The following NRG3 variants were observed in gnomAD, a reference collection of about 807,000 sequenced individuals.
The protein encoded by NRG3 is neuregulin 3, also known as pro-neuregulin-3, membrane-bound isoform.
In NRG3, 31 loss-of-function variants were observed where a neutral mutation model predicts 66.9. The observed-to-expected ratio is 0.46, with a 90% CI of 0.35 to 0.63. NRG3 has a LOEUF of 0.63. Ranked by LOEUF, NRG3 falls within the 20% of genes least tolerant of loss-of-function variation. NRG3 has a pLI of 0.00. For missense variants in NRG3, 910 were observed against 878.9 expected (o/e 1.04, Z -0.45); for synonymous variants, 393 against 359.4 (o/e 1.09, Z -1.06).
intron 1 of NRG3, among the ~76,000 whole-genome samples, chr10:82,081,768 TG>T (rs1263341649): frequency 6.6e-6 from 1 of 152,216 alleles, no homozygotes; most frequent in Non-Finnish European, 1.5e-5. Context: ...TTTCTCCGCA[TG>T]GTCTTGGTCT....
intron 1 of NRG3, among the ~76,000 whole-genome samples, chr10:82,336,252 G>A (rs138797532): frequency 1.8e-4 from 28 of 152,130 alleles, no homozygotes; most frequent in African/African-American, 6.5e-4. Context: ...ATGGAGTGCA[G>A]TGTGGAAGGG....
chr10:82,374,225 G>A (rs2135767086), intron 2 of NRG3, among the ~76,000 whole-genome samples: 1 of 152,226 alleles, frequency 6.6e-6, no homozygotes, highest in South Asian at 2.1e-4. Flanking sequence ...CTTCATAATT[G>A]CCTACCTTGT....
intron 3 of NRG3, among the ~76,000 whole-genome samples, chr10:82,774,023 A>G (rs1300668334): frequency 6.6e-6 from 1 of 152,210 alleles, no homozygotes; most frequent in Non-Finnish European, 1.5e-5. Context: ...GCATATATTA[A>G]ACTGGCTTTG....
intron 1 of NRG3, among the ~76,000 whole-genome samples, chr10:82,218,019 A>T (rs1021164857): frequency 2.0e-5 from 3 of 152,092 alleles, no homozygotes; most frequent in African/African-American, 7.2e-5. Context: ...AATTTATTTC[A>T]ACATTCTAGT....
At chr10:82,463,502 A>G (rs1047838870) in intron 2 of NRG3, among the ~76,000 whole-genome samples, 1 of 152,216 alleles carries the variant, frequency 6.6e-6, no homozygotes, top group Non-Finnish European at 1.5e-5. Flanking sequence ...AGAAGCCATG[A>G]CATGAATATG....
chr10:82,639,467 C>T (rs1201712044), intron 2 of NRG3, among the ~76,000 whole-genome samples: 1 of 152,132 alleles, frequency 6.6e-6, no homozygotes, highest in East Asian at 1.9e-4. Flanking sequence ...AGCTATTTAC[C>T]CATGCAAATA....
chr10:82,548,388 A>G (rs2044074177), intron 2 of NRG3, among the ~76,000 whole-genome samples: 1 of 152,110 alleles, frequency 6.6e-6, no homozygotes, highest in South Asian at 2.1e-4. Flanking sequence ...TTCTGGTTCA[A>G]TGGCATAATA....
At chr10:81,940,277 G>T (rs1244050674) in intron 1 of NRG3, among the ~76,000 whole-genome samples, 1 of 151,848 alleles carries the variant, frequency 6.6e-6, no homozygotes, top group African/African-American at 2.4e-5. Flanking sequence ...ATGTCTCTTG[G>T]GTCCAGTTGG....
intron 1 of NRG3, among the ~76,000 whole-genome samples, chr10:81,941,392 A>G (rs1589536439): frequency 6.6e-6 from 1 of 152,144 alleles, no homozygotes. Flanking sequence ...TGAAATGTGC[A>G]TTTCTGAGTG....
At chr10:82,966,536 T>C (rs570278479) in intron 6 of NRG3, among the ~76,000 whole-genome samples, 109 of 152,318 alleles carry the variant, frequency 7.2e-4, no homozygotes, top group African/African-American at 2.4e-3. Context: ...AGGTAATATT[T>C]GCCAAGCTTC....
At chr10:82,893,699 A>T (rs1443713310) in intron 4 of NRG3, among the ~76,000 whole-genome samples, 1 of 152,178 alleles carries the variant, frequency 6.6e-6, no homozygotes, top group African/African-American at 2.4e-5. Flanking sequence ...AAAAAAGAAT[A>T]AATAGAGGTG....
intron 1 of NRG3, among the ~76,000 whole-genome samples, chr10:82,274,678 G>A (rs1045426989): frequency 3.9e-5 from 6 of 151,998 alleles, no homozygotes; most frequent in Admixed American, 3.9e-4. Context: ...TTAGGGAACT[G>A]TAACCAAGTC....
At chr10:82,583,720 G>A (rs2046498859) in intron 2 of NRG3, among the ~76,000 whole-genome samples, 1 of 152,154 alleles carries the variant, frequency 6.6e-6, no homozygotes, top group Non-Finnish European at 1.5e-5. Flanking sequence ...AGGACCCCAT[G>A]CTAAAAAGGG....
chr10:82,564,701 T>A (rs2045279916), intron 2 of NRG3, among the ~76,000 whole-genome samples: 1 of 152,094 alleles, frequency 6.6e-6, no homozygotes, highest in Non-Finnish European at 1.5e-5. Context: ...CACAATAGGA[T>A]CCTGTTGTGC....
chr10:82,801,118 G>A (rs2061016649), intron 3 of NRG3, among the ~76,000 whole-genome samples: 1 of 152,210 alleles, frequency 6.6e-6, no homozygotes, highest in Non-Finnish European at 1.5e-5. Context: ...AGGAGCATGT[G>A]ATGGAACATG....
rs936944437 is a variant in NRG3 at position 81,955,293 on chromosome 10, A to T, written c.823+79130A>T. Among the ~76,000 whole-genome samples, 6 of 151,772 alleles carry T rather than the reference A, an allele frequency of 4.0e-5. 1 individual carries two copies. The highest frequency in any genetic ancestry group is 1.5e-4 in the African/African-American group (6 of 41,326). ...TTAAGTCCAAAGTATGAAGACCCCTATTTCCCAGTTGAAATCTGAGGGCTG... is the reference window on the plus strand; with the variant it reads ...TTAAGTCCAAAGTATGAAGACCCCTTTTTCCCAGTTGAAATCTGAGGGCTG... On this transcript the variant is annotated intron_variant, in intron 1 of 8. Transcript: ENST00000372141.
intron 3 of NRG3, among the ~76,000 whole-genome samples, chr10:82,790,788 C>T (rs1487963172): frequency 6.6e-6 from 1 of 151,770 alleles, no homozygotes; most frequent in South Asian, 2.1e-4. Flanking sequence ...TTCTGTTTCT[C>T]AAACCATAAA....
intron 1 of NRG3, among the ~76,000 whole-genome samples, chr10:82,077,548 T>G (rs1448008257): frequency 6.6e-6 from 1 of 152,200 alleles, no homozygotes. Context: ...CTGTTAGAGC[T>G]TTGCTCTTGG....
chr10:82,883,955 T>TC (rs1842508542), intron 4 of NRG3, among the ~76,000 whole-genome samples: 1 of 151,900 alleles, frequency 6.6e-6, no homozygotes, highest in South Asian at 2.1e-4. Flanking sequence ...TTTTTTTTTT[T>TC]CCTCTTCCCC....
Sources: allele counts gnomAD v4.1 joint callset (sites outside exome capture counted in the v4.1 genomes callset), GRCh38; gene constraint gnomAD v4.1.1; transcripts MANE v1.5; gene names NCBI Gene and HGNC (gene_info 2026-07-23, HGNC 2026-07-21).